PRKG1: variants seen among roughly 807,000 people sequenced by gnomAD.
PRKG1 encodes protein kinase cGMP-dependent 1, also known as cGMP-dependent protein kinase 1.
Under a neutral mutation model 88.1 loss-of-function variants are expected in PRKG1, and 35 were observed. The observed-to-expected ratio is 0.40, with a 90% CI of 0.30 to 0.53. The LOEUF (loss-of-function observed/expected upper bound fraction) is 0.53. Among genes scored for constraint, PRKG1 ranks in the 20% least tolerant of loss-of-function variants. PRKG1 has a pLI of 0.59. For missense variants in PRKG1, 540 were observed against 839.8 expected (o/e 0.64, Z 4.41); for synonymous variants, 303 against 292.5 (o/e 1.04, Z -0.37).
intron 10 of PRKG1, among the ~76,000 whole-genome samples, chr10:52,258,443 A>G (rs984744120): frequency 2.0e-5 from 3 of 149,820 alleles, no homozygotes; most frequent in African/African-American, 7.3e-5. Context: ...TTTCATGTTC[A>G]TTGTATAATT....
At chr10:51,115,103 C>G (rs905614798) in intron 1 of PRKG1, among the ~76,000 whole-genome samples, 4 of 151,666 alleles carry the variant, frequency 2.6e-5, no homozygotes, top group Middle Eastern at 3.4e-3. Context: ...ATCACGAGGT[C>G]AGGAGTTCGA....
At chr10:52,047,653 G>T (rs1320662181) in intron 5 of PRKG1, among the ~76,000 whole-genome samples, 2 of 152,026 alleles carry the variant, frequency 1.3e-5, no homozygotes, top group Non-Finnish European at 2.9e-5. Context: ...GAAATGTCTT[G>T]CTGGTTGCCT....
rs146313059 is a variant in PRKG1 at position 51,092,346 on chromosome 10, C to T, written c.311+17445C>T. Reference sequence around the variant, plus strand: ...AGAAAGTGGAGGGTTTCAATTAAACCTCTCTTTTGAATAGAAATGATTTTA... The same window carrying T: ...AGAAAGTGGAGGGTTTCAATTAAACTTCTCTTTTGAATAGAAATGATTTTA... On this transcript the variant is annotated intron_variant, in intron 1 of 17. Transcript: ENST00000373980. Among the ~76,000 whole-genome samples, 24 of 152,260 alleles carry T rather than the reference C, an allele frequency of 1.6e-4. 1 individual carries two copies. The South Asian group carries it at 3.5e-3, about 22-fold the overall frequency.
At chr10:51,600,921 TGAGA>T (rs35381319) in intron 3 of PRKG1, among the ~76,000 whole-genome samples, 1 of 148,376 alleles carries the variant, frequency 6.7e-6, no homozygotes, top group Non-Finnish European at 1.5e-5. Flanking sequence ...AGTTCATTTT[TGAGA>T]GAGAGAGAGA....
intron 3 of PRKG1, among the ~76,000 whole-genome samples, chr10:51,480,775 T>A: frequency 6.6e-6 from 1 of 152,294 alleles, no homozygotes; most frequent in East Asian, 1.9e-4. Context: ...AGATTTGTAA[T>A]GTTTTTGGCC....
At chr10:51,929,614 G>A (rs1238521679) in intron 5 of PRKG1, among the ~76,000 whole-genome samples, 4 of 152,128 alleles carry the variant, frequency 2.6e-5, no homozygotes, top group African/African-American at 7.2e-5. Flanking sequence ...GCCTCTCAAA[G>A]TGCTGGGAGT....
chr10:52,238,778 C>G (rs1172054523), intron 9 of PRKG1, among the ~76,000 whole-genome samples: 2 of 150,186 alleles, frequency 1.3e-5, no homozygotes, highest in Non-Finnish European at 3.0e-5. Context: ...CCTCAGGGAT[C>G]TAGAGCTAGA....
rs1491420227 is a variant in PRKG1, at chr10:51,858,146, CAT to C, written c.699-49353_699-49352del. 9.4e-4 allele frequency among the ~76,000 whole-genome samples: 15 copies of C among 15,928 alleles called. 2 individuals are homozygous for C. The highest frequency in any genetic ancestry group is 0.05 in the Middle Eastern group (1 of 20). The allele number at this position is 15,928 out of a possible 152,430, so 10.4% of individuals were successfully genotyped here. ...ATATATTATATATATACATATTATA[CAT>C]ATATATAATATATATTATATATATA... is the stretch of plus-strand genomic sequence containing the variant. On this transcript the variant is annotated intron_variant, in intron 4 of 17. Coordinates refer to ENST00000373980, the MANE Select transcript of PRKG1 (RefSeq NM_006258.4).
intron 5 of PRKG1, among the ~76,000 whole-genome samples, chr10:51,989,131 A>G (rs1414742277): frequency 6.6e-6 from 1 of 152,122 alleles, no homozygotes; most frequent in African/African-American, 2.4e-5. Context: ...CAGAGGTGAG[A>G]GAACGCATGG....
intron 4 of PRKG1, among the ~76,000 whole-genome samples, chr10:51,883,461 T>G (rs1397109867): frequency 6.6e-6 from 1 of 152,270 alleles, no homozygotes; most frequent in African/African-American, 2.4e-5. Context: ...TAATATTTTC[T>G]GTAAATTAAG....
chr10:51,726,588 G>A (rs993728841), intron 3 of PRKG1, among the ~76,000 whole-genome samples: 4 of 152,158 alleles, frequency 2.6e-5, no homozygotes, highest in African/African-American at 9.7e-5. Context: ...ATAAAGCCGG[G>A]TGCACACAAT....
At chr10:51,651,035 G>A (rs1436882352) in intron 3 of PRKG1, among the ~76,000 whole-genome samples, 1 of 152,216 alleles carries the variant, frequency 6.6e-6, no homozygotes, top group African/African-American at 2.4e-5. Flanking sequence ...AGCAAGAGAT[G>A]TTATTGAAGT....
chr10:52,008,376 G>A (rs1844793804), intron 5 of PRKG1, among the ~76,000 whole-genome samples: 1 of 151,984 alleles, frequency 6.6e-6, no homozygotes, highest in Non-Finnish European at 1.5e-5. Context: ...TAGACGACTA[G>A]TTAGACTAAT....
Position 51,628,354 on chromosome 10 carries a change from G to A in PRKG1, c.592+160518G>A, listed in dbSNP as rs183729903. Among the ~76,000 whole-genome samples the A allele has an allele frequency of 1.0e-3, 151 of 151,262 alleles. No homozygotes were observed. The Middle Eastern group carries it at 0.01, about 10-fold the overall frequency. On this transcript the variant is annotated intron_variant, in intron 3 of 17. Coordinates refer to ENST00000373980, the MANE Select transcript of PRKG1 (RefSeq NM_006258.4). ...ATTTTTGTATTTTTTGTAGAAATGA[G>A]GTCTCACTATGTTGCCCAGGCCAAT... is the stretch of plus-strand genomic sequence containing the variant.
intron 3 of PRKG1, among the ~76,000 whole-genome samples, chr10:51,768,037 G>T (rs9664263): frequency 0.047 from 7,115 of 150,824 alleles, 539 homozygotes; most frequent in African/African-American, 0.16. Context: ...ATAAAAAAAC[G>T]TTTTAAAATG....
At chr10:52,198,810 G>A (rs1437935533) in intron 9 of PRKG1, among the ~76,000 whole-genome samples, 2 of 82,276 alleles carry the variant, frequency 2.4e-5, no homozygotes, top group Admixed American at 2.0e-4. Flanking sequence ...CTTTTGGGGT[G>A]TGAGTGTGTG....
rs578017719 is a variant in PRKG1, at chr10:51,464,852, C to CTG, written c.479-2870_479-2869dup. Among the ~76,000 whole-genome samples, 693 of 139,422 alleles carry CTG rather than the reference C, an allele frequency of 5.0e-3. 2 individuals carry two copies. Among genetic ancestry groups the CTG allele is most frequent in the African/African-American group, 0.018 (661 of 37,584 alleles). The allele number at this position is 139,422 out of a possible 152,430, so 91.5% of individuals were successfully genotyped here. A position where few individuals can be genotyped will look rare whatever the true frequency, so the allele number is the denominator to read the frequency against. On this transcript the variant is annotated intron_variant, in intron 2 of 17. Coordinates refer to ENST00000373980, the MANE Select transcript of PRKG1 (RefSeq NM_006258.4). Reference sequence around the variant, plus strand: ...CTTGCAGTGAGCCGAGATCCCGCCACTGCACTCCAGCCTGGGCGACAGAGC... The same window carrying CTG: ...CTTGCAGTGAGCCGAGATCCCGCCACTGTGCACTCCAGCCTGGGCGACAGAGC...
chr10:51,822,731 G>A (rs1426509280), intron 4 of PRKG1, among the ~76,000 whole-genome samples: 1 of 152,170 alleles, frequency 6.6e-6, no homozygotes, highest in Non-Finnish European at 1.5e-5. Flanking sequence ...TAATAATTGT[G>A]AGTCAGTCCA....
chr10:50,994,399 T>TG (rs1842811901), intron 1 of PRKG1, among the ~76,000 whole-genome samples: 2 of 139,408 alleles, frequency 1.4e-5, no homozygotes, highest in Non-Finnish European at 3.1e-5. Flanking sequence ...ACCTCACCTG[T>TG]AATTTTTTTT....
Sources: gnomAD v4.1 joint callset for allele counts (sites outside exome capture counted in the v4.1 genomes callset) on GRCh38, gnomAD v4.1.1 for gene constraint, MANE v1.5 for transcripts, NCBI Gene and HGNC (gene_info 2026-07-23, HGNC 2026-07-21) for gene names.